Variants in PTGER3 observed in about 807,000 individuals in gnomAD.
PTGER3 encodes the protein prostaglandin E receptor 3, also known as prostaglandin E2 receptor EP3 subtype.
Under a neutral mutation model 34.7 loss-of-function variants are expected in PTGER3, and 22 were observed. That is an observed-to-expected ratio of 0.63 (90% confidence interval 0.45 to 0.91). The LOEUF (loss-of-function observed/expected upper bound fraction) is 0.91, where lower values mean the gene tolerates loss of function less well. PTGER3 is among the 40% of genes least tolerant of loss of function. The pLI, the probability that PTGER3 is intolerant of heterozygous loss-of-function variation, is 0.00. For synonymous variants in PTGER3, 241 were observed against 230.1 expected (o/e 1.05, Z -0.43); for missense variants, 468 against 519.4 (o/e 0.90, Z 0.96).
chr1:70,852,820 C>G (rs1461612938), exon 5 of PTGER3: 1 of 1,612,564 alleles, frequency 6.2e-7, no homozygotes, highest in Non-Finnish European at 8.5e-7. Context: ...GTGATGTGAT[C>G]CTGGCAGAAA....
chr1:70,991,649 C>T (rs913550988), intron 2 of PTGER3, among the ~76,000 whole-genome samples: 5 of 152,150 alleles, frequency 3.3e-5, no homozygotes, highest in Admixed American at 6.5e-5. Flanking sequence ...TCTTGAGATT[C>T]GTTCCCTCCC....
At chr1:70,969,753 G>A (rs1172979248), downstream of PTGER3, among the ~76,000 whole-genome samples, 3 of 152,100 alleles carry the variant, frequency 2.0e-5, no homozygotes, top group East Asian at 1.9e-4. Context: ...GGTTGATTCC[G>A]TTCATGACAT....
intron 4 of PTGER3, among the ~76,000 whole-genome samples, chr1:70,865,328 C>A (rs1006829937): frequency 1.3e-5 from 2 of 151,884 alleles, no homozygotes; most frequent in African/African-American, 4.8e-5. Flanking sequence ...GGAATACCAC[C>A]CCAGCAGTAG....
intron 1 of PTGER3, among the ~76,000 whole-genome samples, chr1:71,035,654 T>G (rs1347134417): frequency 6.6e-6 from 1 of 152,234 alleles, no homozygotes; most frequent in African/African-American, 2.4e-5. Flanking sequence ...CCTACAGCTT[T>G]CAGTTGTTTT....
At chr1:70,916,638 C>A (rs1362657215) in intron 4 of PTGER3, among the ~76,000 whole-genome samples, 1 of 151,922 alleles carries the variant, frequency 6.6e-6, no homozygotes, top group Non-Finnish European at 1.5e-5. Context: ...GAACAGAAAA[C>A]CAAATACTAT....
chr1:70,968,970 G>T (rs1486347650), downstream of PTGER3, among the ~76,000 whole-genome samples: 1 of 152,104 alleles, frequency 6.6e-6, no homozygotes, highest in Non-Finnish European at 1.5e-5. Flanking sequence ...ACTTTGGGGG[G>T]TTGAGGCGAG....
chr1:70,974,357 C>T lies in PTGER3; in HGVS notation c.1109G>A (p.Ser370Asn), dbSNP rs1368350880. 8.1e-7 allele frequency: 1 copy of T among 1,235,202 alleles called. No homozygotes were observed. The highest frequency in any genetic ancestry group is 1.5e-5 in the African/African-American group (1 of 67,298). The allele number at this position is 1,235,202 out of a possible 1,614,324, so 76.5% of individuals were successfully genotyped here. The stretch of plus-strand genomic sequence containing the variant: ...ACACTGGCAGGGTAAGGAGGTGGAG[C>T]TGGATGCATAGTTGTTTGTGTGGTA... ...IRYHTNNYAS[S>N]STSLPCQCSS... The change falls in exon 3 of 4, where the codon AGC (serine) becomes AAC (asparagine). Residue 370 changes from serine to asparagine, a missense_variant. Physicochemically the swap from Ser to Asn is conservative, Grantham distance 46. Coordinates refer to ENST00000306666, the MANE Select transcript of PTGER3 (RefSeq NM_198719.2).
At chr1:70,969,267 C>T (rs1433334685), downstream of PTGER3, among the ~76,000 whole-genome samples, 1 of 152,122 alleles carries the variant, frequency 6.6e-6, no homozygotes, top group East Asian at 1.9e-4. Flanking sequence ...TGGATGTAGA[C>T]ATTTTTAAAC....
At chr1:70,947,202 A>C (rs938252776) in intron 4 of PTGER3, among the ~76,000 whole-genome samples, 2 of 152,178 alleles carry the variant, frequency 1.3e-5, no homozygotes, top group East Asian at 3.9e-4. Flanking sequence ...AGTAGGTGAT[A>C]CAGTTTGGCT....
chr1:70,967,753 C>G (rs796121272), downstream of PTGER3, among the ~76,000 whole-genome samples: 27 of 152,108 alleles, frequency 1.8e-4, no homozygotes, highest in African/African-American at 5.3e-4. Flanking sequence ...AAAACTTTTT[C>G]TCTTAGTTTA....
intron 4 of PTGER3, among the ~76,000 whole-genome samples, chr1:70,913,565 G>C (rs1283234434): frequency 6.6e-6 from 1 of 151,860 alleles, no homozygotes; most frequent in African/African-American, 2.4e-5. Context: ...TCTCAGTCTT[G>C]AGAAGAACAC....
intron 2 of PTGER3, among the ~76,000 whole-genome samples, chr1:70,977,367 T>C (rs1368376165): frequency 6.6e-6 from 1 of 152,080 alleles, no homozygotes; most frequent in East Asian, 1.9e-4. Context: ...GGCTGAACAC[T>C]ATGCTAGTTT....
chr1:70,949,699 C>T (rs1226274292), downstream of PTGER3, among the ~76,000 whole-genome samples: 1 of 152,096 alleles, frequency 6.6e-6, no homozygotes, highest in African/African-American at 2.4e-5. Context: ...TAGATACTGA[C>T]GCTGGCACAG....
In PTGER3 at chr1:71,011,454, A is replaced by G. The variant is rs1467702209; in HGVS notation, c.1077+851T>C. 7 of 985,262 alleles carry G rather than the reference A, an allele frequency of 7.1e-6. No individual in the cohort carries two copies. In the East Asian group the frequency reaches 7.9e-4, roughly 112 times the overall value. The allele number at this position is 985,262 out of a possible 1,614,324, so 61.0% of individuals were successfully genotyped here. A position where few individuals can be genotyped will look rare whatever the true frequency, so the allele number is the denominator to read the frequency against. On this transcript the variant is annotated intron_variant, in intron 2 of 3. Transcript: ENST00000306666. ...GTGCTCAAATCGGTCCTTACATAGC[A>G]TTCTGAAAAACCACTTCACGACTCT...
At chr1:70,950,072 A>C (rs1007398371), downstream of PTGER3, among the ~76,000 whole-genome samples, 3 of 152,192 alleles carry the variant, frequency 2.0e-5, no homozygotes, top group Non-Finnish European at 1.5e-5. Context: ...GACACGAAGA[A>C]GGGTCAGGAA....
chr1:70,939,944 C>G lies in PTGER3; in HGVS notation c.*23+13819G>C, dbSNP rs957181894. ...AAATTTCTCTAGCTGGCTTGAATTTCTATCCAGAAGATGGATTTTTCTTTT... is the reference window on the plus strand; with the variant it reads ...AAATTTCTCTAGCTGGCTTGAATTTGTATCCAGAAGATGGATTTTTCTTTT... On this transcript the variant is annotated intron_variant, in intron 4 of 4. Transcript: ENST00000370931. Among the ~76,000 whole-genome samples, 3 of 152,326 alleles carry G rather than the reference C, an allele frequency of 2.0e-5. No homozygotes were observed. In the East Asian group the frequency reaches 5.8e-4, roughly 29 times the overall value.
At chr1:70,960,207 T>C (rs1572766248) in intron 2 of PTGER3, among the ~76,000 whole-genome samples, 1 of 152,178 alleles carries the variant, frequency 6.6e-6, no homozygotes, top group East Asian at 1.9e-4. Context: ...AGGTAATAAA[T>C]TTCTGTTGCT....
downstream of PTGER3, chr1:70,970,777 G>C (rs2100672869): frequency 1.5e-6 from 1 of 676,482 alleles, no homozygotes; most frequent in African/African-American, 2.0e-5. Flanking sequence ...GATGACTCAA[G>C]TATATCTTTT....
intron 4 of PTGER3, among the ~76,000 whole-genome samples, chr1:70,908,609 A>C (rs182735568): frequency 1.0e-3 from 152 of 152,288 alleles, no homozygotes; most frequent in Middle Eastern, 3.4e-3. Flanking sequence ...TCCACCATCT[A>C]AATAACCTAT....
Sources: gnomAD v4.1 joint callset for allele counts (sites outside exome capture counted in the v4.1 genomes callset) on GRCh38, gnomAD v4.1.1 for gene constraint, MANE v1.5 for transcripts, NCBI Gene and HGNC (gene_info 2026-07-23, HGNC 2026-07-21) for gene names.